PRDM16: variants seen among roughly 807,000 people sequenced by gnomAD.
PRDM16 encodes histone-lysine N-methyltransferase PRDM16.
PRDM16 carries 23 observed loss-of-function variants against 110.6 expected under a neutral mutation model. That is an observed-to-expected ratio of 0.21 (90% CI 0.15 to 0.29). The LOEUF (loss-of-function observed/expected upper bound fraction) is 0.29, where lower values mean the gene tolerates loss of function less well. Among genes scored for constraint, PRDM16 ranks in the 10% least tolerant of loss-of-function variants. PRDM16 has a pLI of 1.00. For missense variants in PRDM16, 1,615 were observed against 1,794.3 expected (o/e 0.90, Z 1.81); for synonymous variants, 799 against 781.8 (o/e 1.02, Z -0.37).
intron 3 of PRDM16, among the ~76,000 whole-genome samples, chr1:3,384,586 G>A (rs563174797): frequency 5.3e-5 from 8 of 152,374 alleles, no homozygotes; most frequent in South Asian, 2.1e-4. Flanking sequence ...CTTTGCGGGC[G>A]TGGTGAGAAC....
At chr1:3,319,599 G>A (rs951249676) in intron 3 of PRDM16, among the ~76,000 whole-genome samples, 10 of 152,168 alleles carry the variant, frequency 6.6e-5, no homozygotes, top group Admixed American at 6.5e-4. Context: ...TGGCTTCAGG[G>A]ATGGAAGGAG....
intron 1 of PRDM16, among the ~76,000 whole-genome samples, chr1:3,072,461 C>G (rs1641788533): frequency 6.6e-6 from 1 of 152,204 alleles, no homozygotes; most frequent in African/African-American, 2.4e-5. Flanking sequence ...CAAGTCCCAT[C>G]TAGCCCCTGG....
At chr1:3,222,655 C>T (rs1639184494) in intron 2 of PRDM16, among the ~76,000 whole-genome samples, 1 of 152,224 alleles carries the variant, frequency 6.6e-6, no homozygotes, top group Non-Finnish European at 1.5e-5. Flanking sequence ...GCCCAGCCCA[C>T]ACCCCAACGT....
At chr1:3,262,885 G>A (rs1640193740) in intron 3 of PRDM16, among the ~76,000 whole-genome samples, 1 of 152,182 alleles carries the variant, frequency 6.6e-6, no homozygotes, top group Non-Finnish European at 1.5e-5. Context: ...TCCCAGGGAG[G>A]ACACCTGCGG....
At chr1:3,086,823 T>A (rs908781606) in intron 1 of PRDM16, among the ~76,000 whole-genome samples, 1 of 152,188 alleles carries the variant, frequency 6.6e-6, no homozygotes, top group African/African-American at 2.4e-5. Flanking sequence ...GCAAAAGATC[T>A]GCAGAAATGC....
intron 1 of PRDM16, among the ~76,000 whole-genome samples, chr1:3,089,675 G>C (rs887140752): frequency 3.9e-5 from 6 of 152,238 alleles, no homozygotes; most frequent in Admixed American, 2.6e-4. Context: ...CCGAGGAAGC[G>C]CAGGGAGCCT....
chr1:3,139,050 G>C (rs555844359), intron 1 of PRDM16, among the ~76,000 whole-genome samples: 1 of 152,298 alleles, frequency 6.6e-6, no homozygotes, highest in African/African-American at 2.4e-5. Context: ...AGGCTTCAGT[G>C]GGGGCTTGGG....
chr1:3,404,121 A>T (rs1643519547), intron 6 of PRDM16, among the ~76,000 whole-genome samples: 1 of 152,244 alleles, frequency 6.6e-6, no homozygotes, highest in South Asian at 2.1e-4. Flanking sequence ...GAGCCGTGAT[A>T]TATCACTGCT....
At chr1:3,431,939 C>T (rs1489976644) in intron 15 of PRDM16, 27 bp from the exon 16 acceptor site, 3 of 1,603,644 alleles carry the variant, frequency 1.9e-6, no homozygotes, top group South Asian at 1.1e-5. Flanking sequence ...GACAGCAGGC[C>T]TTCCCTCTCC....
At chr1:3,263,199 G>A (rs1161293487) in intron 3 of PRDM16, among the ~76,000 whole-genome samples, 1 of 152,200 alleles carries the variant, frequency 6.6e-6, no homozygotes, top group Non-Finnish European at 1.5e-5. Context: ...CTGAGTGCCC[G>A]GGGATGGGAA....
At chr1:3,253,965 G>C (rs1325644178) in intron 3 of PRDM16, among the ~76,000 whole-genome samples, 3 of 152,164 alleles carry the variant, frequency 2.0e-5, no homozygotes, top group Non-Finnish European at 4.4e-5. Flanking sequence ...GCTGGTGATG[G>C]TGCGCATTTT....
chr1:3,303,615 T>C (rs1641252637), intron 3 of PRDM16, among the ~76,000 whole-genome samples: 1 of 152,224 alleles, frequency 6.6e-6, no homozygotes, highest in African/African-American at 2.4e-5. Context: ...AATGGCTTTG[T>C]TTAACTTTTT....
chr1:3,318,993 G>A (rs562122933), intron 3 of PRDM16, among the ~76,000 whole-genome samples: 11 of 152,324 alleles, frequency 7.2e-5, no homozygotes, highest in African/African-American at 2.4e-4. Flanking sequence ...CAAACATGGC[G>A]TGACATTTAG....
intron 1 of PRDM16, among the ~76,000 whole-genome samples, chr1:3,160,133 G>A (rs1209059783): frequency 6.6e-6 from 1 of 152,244 alleles, no homozygotes; most frequent in East Asian, 1.9e-4. Flanking sequence ...AGCTCCCGCA[G>A]CCAGAGGCCT....
intron 1 of PRDM16, among the ~76,000 whole-genome samples, chr1:3,122,293 C>T (rs1387470696): frequency 1.3e-5 from 2 of 152,164 alleles, no homozygotes; most frequent in African/African-American, 4.8e-5. Context: ...TCTGCAGATC[C>T]CCTCCTCTGT....
Position 3,148,055 on chromosome 1 carries a change from T to C in PRDM16, c.38-38070T>C, listed in dbSNP as rs1643709371. Among the ~76,000 whole-genome samples, 1 of 152,006 alleles carries C rather than the reference T, an allele frequency of 6.6e-6. No individual in the cohort carries two copies. Among genetic ancestry groups the C allele is most frequent in the African/African-American group, 2.4e-5 (1 of 41,392 alleles). The stretch of plus-strand genomic sequence containing the variant: ...TGGGAATACCGAGATGCATTCAGAT[T>C]CAAGTTCGGCCTTTGGCGTCTTCTC... On this transcript the variant is annotated intron_variant, in intron 1 of 16. Coordinates refer to ENST00000270722, the MANE Select transcript of PRDM16 (RefSeq NM_022114.4). The surrounding 1 kb of genome is among the most constrained non-coding windows in gnomAD (Gnocchi z 5.0).
chr1:3,324,915 G>A (rs1455033689), intron 3 of PRDM16, among the ~76,000 whole-genome samples: 3 of 152,136 alleles, frequency 2.0e-5, no homozygotes, highest in Admixed American at 6.5e-5. Flanking sequence ...CCAGGCCAGC[G>A]GACGCCCCTG....
At chr1:3,405,304 G>A (rs1248984703) in intron 7 of PRDM16, among the ~76,000 whole-genome samples, 191 bp from the exon 8 acceptor site, 1 of 152,218 alleles carries the variant, frequency 6.6e-6, no homozygotes, top group Non-Finnish European at 1.5e-5. Context: ...GGGAGGCTCT[G>A]CGGCTCACTT....
intron 2 of PRDM16, chr1:3,207,773 G>A (rs1193376092): frequency 1.3e-5 from 2 of 152,176 alleles, no homozygotes; most frequent in African/African-American, 2.4e-5. Flanking sequence ...CAATAATTGC[G>A]CTCATCTGAC....
Sources: allele counts gnomAD v4.1 joint callset (sites outside exome capture counted in the v4.1 genomes callset), GRCh38; gene constraint gnomAD v4.1.1; non-coding constraint Gnocchi (gnomAD v3.1); transcripts MANE v1.5; gene names NCBI Gene and HGNC (gene_info 2026-07-23, HGNC 2026-07-21).